The following SIK2 variants were observed in gnomAD, a reference collection of about 807,000 sequenced individuals.
The protein encoded by SIK2 is serine/threonine-protein kinase SIK2.
Under a neutral mutation model 103.2 loss-of-function variants are expected in SIK2, and 29 were observed. The ratio of observed to expected loss-of-function variants is 0.28; its 90% CI spans 0.21 to 0.38. The LOEUF is 0.38. SIK2 is among the 10% of genes least tolerant of loss of function. The probability of loss-of-function intolerance (pLI) is 1.00; values close to 1 mark genes in which losing one functional copy is unlikely to be tolerated. For synonymous variants in SIK2, 412 were observed against 446.1 expected, an observed-to-expected ratio of 0.92 and a Z score of 0.96; for missense variants, 879 against 1,171.0, an observed-to-expected ratio of 0.75 and a Z score of 3.64.
At chr11:111,698,373 A>C (rs747815323) in intron 4 of SIK2, among the ~76,000 whole-genome samples, 2 of 151,868 alleles carry the variant, frequency 1.3e-5, no homozygotes, top group African/African-American at 2.4e-5. Context: ...TGTCCCATTC[A>C]CTCCTTTGAG....
At chr11:111,666,569 G>A (rs962071356) in intron 3 of SIK2, among the ~76,000 whole-genome samples, 4 of 152,096 alleles carry the variant, frequency 2.6e-5, no homozygotes, top group African/African-American at 9.7e-5. Flanking sequence ...TCTAATTTCA[G>A]TAATCTTGTT....
At chr11:111,663,567 CA>C (rs1222274977) in intron 3 of SIK2, among the ~76,000 whole-genome samples, 2 of 152,156 alleles carry the variant, frequency 1.3e-5, no homozygotes, top group African/African-American at 4.8e-5. Context: ...GCATTTTGAG[CA>C]GAGCCGTGTC....
chr11:111,637,597 T>G (rs1942127217), intron 3 of SIK2, among the ~76,000 whole-genome samples: 1 of 151,822 alleles, frequency 6.6e-6, no homozygotes, highest in South Asian at 2.1e-4. Flanking sequence ...GTAGCTGGGT[T>G]TACAGGTGCC....
chr11:111,642,915 A>G (rs929064991), intron 3 of SIK2, among the ~76,000 whole-genome samples: 1 of 150,542 alleles, frequency 6.6e-6, no homozygotes, highest in Non-Finnish European at 1.5e-5. Context: ...ACAAAGACCA[A>G]ATATATATTC....
intron 1 of SIK2, among the ~76,000 whole-genome samples, chr11:111,611,895 C>T (rs987288431): frequency 1.3e-5 from 2 of 152,132 alleles, no homozygotes; most frequent in Admixed American, 1.3e-4. Flanking sequence ...TAAGTTCATT[C>T]TAATCCTTAA....
At chr11:111,699,622 G>A (rs1352076107) in intron 4 of SIK2, among the ~76,000 whole-genome samples, 1 of 152,150 alleles carries the variant, frequency 6.6e-6, no homozygotes, top group African/African-American at 2.4e-5. Context: ...TAATAATGGG[G>A]ATTGTTACTG....
rs11384906 is a variant in SIK2 at position 111,677,586 on chromosome 11, A to ATTT, written c.317-10395_317-10393dup. 2.1e-3 allele frequency among the ~76,000 whole-genome samples: 235 copies of ATTT among 110,860 alleles called. 2 individuals carry two copies. Among genetic ancestry groups the ATTT allele is most frequent in the African/African-American group, 6.1e-3 (173 of 28,350 alleles). 72.7% of individuals were successfully genotyped at this position (110,860 alleles called of 152,430 possible). ...GCGTGTGCCACAATGCCCAGCTAAA[A>ATTT]TTTTTTTTTTTTTTTTTTTTTTGGT... On this transcript the variant is annotated intron_variant, in intron 3 of 14. Coordinates refer to ENST00000304987, the MANE Select transcript of SIK2 (RefSeq NM_015191.3).
intron 3 of SIK2, among the ~76,000 whole-genome samples, chr11:111,680,840 A>G (rs536537258): frequency 1.5e-4 from 23 of 152,362 alleles, no homozygotes; most frequent in South Asian, 1.0e-3. Context: ...GTACTTATCT[A>G]TAAGTGCAGA....
chr11:111,689,573 T>G (rs1288899704), intron 4 of SIK2, among the ~76,000 whole-genome samples: 1 of 152,128 alleles, frequency 6.6e-6, no homozygotes, highest in Non-Finnish European at 1.5e-5. Context: ...CATGGTGGTG[T>G]TTTGTTCTAA....
rs1943309590 is a variant in SIK2 at position 111,705,015 on chromosome 11, T to C, written c.977T>C (p.Phe326Ser). 4 of 1,608,350 alleles carry C rather than the reference T, an allele frequency of 2.5e-6. No individual in the cohort carries two copies. The highest frequency in any genetic ancestry group is 3.4e-6 in the Non-Finnish European group (4 of 1,178,086). Reference protein sequence around the residue: ...ESLQNKSYNHFAAIYFLLVER... With the variant: ...ESLQNKSYNHSAAIYFLLVER... ...TTGCAGAACAAGAGCTATAACCACTTTGCTGCCATTTATTTCTTGTTGGTG... is the reference window on the plus strand; with the variant it reads ...TTGCAGAACAAGAGCTATAACCACTCTGCTGCCATTTATTTCTTGTTGGTG... Residue 326 changes from phenylalanine to serine, a missense_variant, in exon 8 of 15, where the codon TTT becomes TCT. Around this residue, in one of 7 missense-constraint regions of SIK2, gnomAD observed 99 missense variants for 153.9 expected, o/e 0.64. Coordinates refer to ENST00000304987, the MANE Select transcript of SIK2 (RefSeq NM_015191.3). This position sits in a 1 kb window ranked among gnomAD's most constrained non-coding sequence, Gnocchi z 4.3.
chr11:111,617,832 T>C (rs565616739), intron 2 of SIK2, among the ~76,000 whole-genome samples: 3 of 151,358 alleles, frequency 2.0e-5, no homozygotes, highest in Admixed American at 2.0e-4. Flanking sequence ...CCATGTGTGT[T>C]TGTGTATGTG....
chr11:111,700,780 A>G, intron 4 of SIK2, 106 bp from the exon 5 acceptor site: 3 of 1,370,984 alleles, frequency 2.2e-6, no homozygotes, highest in Non-Finnish European at 3.0e-6. Flanking sequence ...CCTCACAGTA[A>G]ATAGTAGTGA....
chr11:111,654,640 C>T (rs944597927), intron 3 of SIK2, among the ~76,000 whole-genome samples: 2 of 152,110 alleles, frequency 1.3e-5, no homozygotes, highest in Admixed American at 1.3e-4. Flanking sequence ...AAGTGTTGTT[C>T]TACAGTTCTG....
At chr11:111,621,640 A>C (rs144374122) in intron 3 of SIK2, among the ~76,000 whole-genome samples, 150 of 152,284 alleles carry the variant, frequency 9.9e-4, no homozygotes, top group Middle Eastern at 3.4e-3. Flanking sequence ...TTGGCTGGGC[A>C]CAGTGGCTCA....
intron 3 of SIK2, among the ~76,000 whole-genome samples, chr11:111,651,747 T>C (rs77921147): frequency 1.3e-5 from 1 of 75,474 alleles, no homozygotes; most frequent in Non-Finnish European, 2.8e-5. Flanking sequence ...TTCATTCATT[T>C]AACAGATATG....
intron 3 of SIK2, among the ~76,000 whole-genome samples, chr11:111,661,605 G>C (rs1942468322): frequency 6.6e-6 from 1 of 152,196 alleles, no homozygotes; most frequent in Admixed American, 6.5e-5. Flanking sequence ...CTGAGACTGT[G>C]TATTAGTTGA....
intron 1 of SIK2, among the ~76,000 whole-genome samples, chr11:111,613,382 C>T (rs574176345): frequency 6.6e-6 from 1 of 152,132 alleles, no homozygotes; most frequent in South Asian, 2.1e-4. Context: ...GCAGGGGGTG[C>T]TGATATATAG....
chr11:111,693,766 C>T (rs921147097), intron 4 of SIK2, among the ~76,000 whole-genome samples: 2 of 152,100 alleles, frequency 1.3e-5, no homozygotes, highest in Non-Finnish European at 2.9e-5. Flanking sequence ...ACTTTCTAGG[C>T]CTGAGTTTCC....
chr11:111,610,838 A>C (rs561532549), intron 1 of SIK2, among the ~76,000 whole-genome samples: 14 of 152,354 alleles, frequency 9.2e-5, no homozygotes, highest in South Asian at 2.1e-4. Flanking sequence ...ATACATGTTC[A>C]CTGAAGAAAA....
Sources: gnomAD v4.1 joint callset for allele counts (sites outside exome capture counted in the v4.1 genomes callset) on GRCh38, gnomAD v4.1.1 for gene constraint, gnomAD v4.1.1 regional missense constraint, Gnocchi (gnomAD v3.1) non-coding constraint, MANE v1.5 for transcripts, NCBI Gene and HGNC (gene_info 2026-07-23, HGNC 2026-07-21) for gene names.